Variants in PHACTR1 observed in about 807,000 individuals in gnomAD.
The protein encoded by PHACTR1 is RPEL repeat containing 1.
In PHACTR1, 16 loss-of-function variants were observed where a neutral mutation model predicts 69.2. The observed-to-expected ratio is 0.23, with a 90% CI of 0.16 to 0.35. The LOEUF (loss-of-function observed/expected upper bound fraction) is 0.35, where lower values mean the gene tolerates loss of function less well. Among genes scored for constraint, PHACTR1 ranks in the 10% least tolerant of loss-of-function variants. The pLI is 1.00. For synonymous variants in PHACTR1, 312 were observed against 284.5 expected, an observed-to-expected ratio of 1.10 and a Z score of -0.97; for missense variants, 510 against 734.7, an observed-to-expected ratio of 0.69 and a Z score of 3.54.
At chr6:13,085,327 A>G (rs1583290192) in intron 5 of PHACTR1, among the ~76,000 whole-genome samples, 2 of 152,076 alleles carry the variant, frequency 1.3e-5, no homozygotes, top group African/African-American at 4.8e-5. Flanking sequence ...AAAATTAACC[A>G]TAAAAAAAGT....
intron 6 of PHACTR1, among the ~76,000 whole-genome samples, chr6:13,160,610 T>G (rs1758852562): frequency 6.6e-6 from 1 of 152,194 alleles, no homozygotes; most frequent in Non-Finnish European, 1.5e-5. Context: ...CAGGGTGCAG[T>G]CACCTGTTTA....
chr6:13,079,698 G>A (rs1811077737), intron 5 of PHACTR1, among the ~76,000 whole-genome samples: 1 of 152,114 alleles, frequency 6.6e-6, no homozygotes, highest in African/African-American at 2.4e-5. Flanking sequence ...ATGAGACCCT[G>A]AGAAGGTTGC....
chr6:13,120,863 T>G (rs1173560907), intron 5 of PHACTR1, among the ~76,000 whole-genome samples: 1 of 152,242 alleles, frequency 6.6e-6, no homozygotes, highest in Admixed American at 6.5e-5. Flanking sequence ...AGCATTGCAG[T>G]GTGCGATGCC....
intron 4 of PHACTR1, among the ~76,000 whole-genome samples, chr6:12,940,390 A>T (rs931475672): frequency 1.6e-4 from 24 of 152,210 alleles, no homozygotes; most frequent in Admixed American, 7.2e-4. Context: ...GAGCCTGCAT[A>T]TGTTGGTTTA....
intron 5 of PHACTR1, among the ~76,000 whole-genome samples, chr6:13,103,111 C>T (rs566690040): frequency 1.3e-5 from 2 of 152,278 alleles, no homozygotes; most frequent in African/African-American, 4.8e-5. Flanking sequence ...TTATTTCCAC[C>T]TATTAAGGTT....
At chr6:12,966,765 T>C (rs1192195967) in intron 4 of PHACTR1, among the ~76,000 whole-genome samples, 1 of 152,206 alleles carries the variant, frequency 6.6e-6, no homozygotes, top group African/African-American at 2.4e-5. Context: ...TATATTGTGC[T>C]GTTTAGTAAA....
At chr6:12,774,628 C>G (rs111563405) in intron 4 of PHACTR1, among the ~76,000 whole-genome samples, 4,521 of 152,180 alleles carry the variant, frequency 0.03, 215 homozygotes, top group African/African-American at 0.1. Context: ...TCCTGACCTC[C>G]TGACCTCCTG....
At chr6:12,963,285 C>T (rs932648767) in intron 4 of PHACTR1, among the ~76,000 whole-genome samples, 1 of 152,184 alleles carries the variant, frequency 6.6e-6, no homozygotes, top group Non-Finnish European at 1.5e-5. Context: ...GGTGAGCCTG[C>T]TCACTGCTTC....
intron 4 of PHACTR1, among the ~76,000 whole-genome samples, chr6:12,777,625 CTTTTTTTT>C (rs869096915): frequency 0.41 from 41,082 of 99,792 alleles, 5,663 homozygotes; most frequent in Middle Eastern, 0.51. Context: ...CTTTCTTCTT[CTTTTTTTT>C]TTTTTTTTTT....
At chr6:13,082,261 G>C (rs1254182110) in intron 5 of PHACTR1, among the ~76,000 whole-genome samples, 2 of 151,996 alleles carry the variant, frequency 1.3e-5, no homozygotes, top group Non-Finnish European at 2.9e-5. Context: ...GGCTCCAATG[G>C]GTATCACTTT....
chr6:12,787,969 C>G (rs1235610074), intron 4 of PHACTR1, among the ~76,000 whole-genome samples: 19 of 152,032 alleles, frequency 1.2e-4, no homozygotes. Flanking sequence ...CCAGCCTGGC[C>G]AACATGGCGA....
intron 4 of PHACTR1, among the ~76,000 whole-genome samples, chr6:13,043,518 A>G (rs1804532262): frequency 6.6e-6 from 1 of 152,234 alleles, no homozygotes; most frequent in Non-Finnish European, 1.5e-5. Flanking sequence ...ATGGCCATGC[A>G]GGCCAGATGC....
chr6:12,790,000 C>T (rs1478433018), intron 4 of PHACTR1, among the ~76,000 whole-genome samples: 1 of 146,962 alleles, frequency 6.8e-6, no homozygotes, highest in Admixed American at 7.1e-5. Context: ...CAGTTTCTGA[C>T]CACATCTTAC....
intron 4 of PHACTR1, among the ~76,000 whole-genome samples, chr6:13,010,407 C>T (rs928980198): frequency 4.6e-5 from 7 of 152,142 alleles, no homozygotes; most frequent in East Asian, 1.9e-4. Flanking sequence ...GGATTACAGG[C>T]GTGAGCCATC....
At chr6:12,867,233 A>G (rs1781551910) in intron 4 of PHACTR1, among the ~76,000 whole-genome samples, 1 of 152,140 alleles carries the variant, frequency 6.6e-6, no homozygotes, top group African/African-American at 2.4e-5. Flanking sequence ...TCCCCATCCT[A>G]GCACTCTAGC....
intron 5 of PHACTR1, among the ~76,000 whole-genome samples, chr6:13,073,331 A>ATTTTTTTTTTTTTTTTTTT (rs10664160): frequency 3.0e-5 from 2 of 65,672 alleles, no homozygotes; most frequent in African/African-American, 1.4e-4. Flanking sequence ...CATTCCATGA[A>ATTTTTTTTTTTTTTTTTTT]TTTTTTTTTT....
intron 4 of PHACTR1, among the ~76,000 whole-genome samples, chr6:12,981,865 G>T (rs1029041880): frequency 6.6e-6 from 1 of 151,938 alleles, no homozygotes; most frequent in African/African-American, 2.4e-5. Context: ...TTATTCCCAG[G>T]GTCTAGATCA....
chr6:13,092,055 C>T (rs957323929), intron 5 of PHACTR1, among the ~76,000 whole-genome samples: 1 of 152,212 alleles, frequency 6.6e-6, no homozygotes, highest in Non-Finnish European at 1.5e-5. Flanking sequence ...ATCTCAGCCT[C>T]CCAAACTGTT....
chr6:13,130,349 C>T (rs998809426), intron 5 of PHACTR1, among the ~76,000 whole-genome samples: 3 of 151,698 alleles, frequency 2.0e-5, no homozygotes, highest in African/African-American at 4.8e-5. Context: ...AAAAAAATTA[C>T]AAAGGATAAA....
Sources: allele counts gnomAD v4.1 joint callset (sites outside exome capture counted in the v4.1 genomes callset), GRCh38; gene constraint gnomAD v4.1.1; transcripts MANE v1.5; gene names NCBI Gene and HGNC (gene_info 2026-07-23, HGNC 2026-07-21).